Variants in MYO15A observed in about 807,000 individuals in gnomAD.
MYO15A encodes the protein unconventional myosin-XV.
In MYO15A, 308 loss-of-function variants were observed where a neutral mutation model predicts 394.6. The ratio of observed to expected loss-of-function variants is 0.78; its 90% CI spans 0.71 to 0.86. The LOEUF (loss-of-function observed/expected upper bound fraction) is 0.86, where lower values mean the gene tolerates loss of function less well. Among genes scored for constraint, MYO15A ranks in the 40% least tolerant of loss-of-function variants. The pLI is 0.00. For synonymous variants in MYO15A, 1,957 were observed against 2,003.8 expected (o/e 0.98, Z 0.62); for missense variants, 4,606 against 4,799.1 (o/e 0.96, Z 1.19).
chr17:18,119,156 G>T lies in MYO15A; in HGVS notation c.356G>T (p.Arg119Leu). Residue 119 changes from arginine to leucine, a missense_variant, in exon 2 of 66, where the codon CGC becomes CTC. Around this residue, in one of 2 missense-constraint regions of MYO15A, gnomAD observed 1,830 missense variants for 1,689.7 expected, o/e 1.08. Coordinates refer to ENST00000647165, the MANE Select transcript of MYO15A (RefSeq NM_016239.4). ...TTCCCAGGCCGCCGTGGCTACGGCC[G>T]CCTGCGGCCGCGCGCCCGGTCACTC... is the stretch of plus-strand genomic sequence containing the variant. Reference protein sequence around the residue: ...IRFPGRRGYGRLRPRARSLSK... With the variant: ...IRFPGRRGYGLLRPRARSLSK... 6.2e-7 allele frequency: 1 copy of T among 1,611,474 alleles called. No homozygotes were observed. Among genetic ancestry groups the T allele is most frequent in the South Asian group, 1.1e-5 (1 of 91,048 alleles).
In MYO15A at chr17:18,148,462, C is replaced by T. The variant is rs1156863174; in HGVS notation, c.6692-34C>T. ...GGCACAGCCAAACTGGACTCAGATGCTCCAACCTGAGCCCGGCACCTGCTG... is the reference window on the plus strand; with the variant it reads ...GGCACAGCCAAACTGGACTCAGATGTTCCAACCTGAGCCCGGCACCTGCTG... On this transcript the variant is annotated intron_variant, in intron 31 of 65. Coordinates refer to ENST00000647165, the MANE Select transcript of MYO15A (RefSeq NM_016239.4). The surrounding 1 kb of genome is among the most constrained non-coding windows in gnomAD (Gnocchi z 4.8). 1 of 1,550,860 alleles carries T rather than the reference C, an allele frequency of 6.4e-7. No homozygotes were observed.
At chr17:18,115,980 C>A (rs953260337) in intron 1 of MYO15A, among the ~76,000 whole-genome samples, 3 of 152,238 alleles carry the variant, frequency 2.0e-5, no homozygotes, top group African/African-American at 7.2e-5. Flanking sequence ...TTTCTCTCCA[C>A]CCACATATGG....
At chr17:18,168,949 TAA>T (rs1035976861) in intron 62 of MYO15A, among the ~76,000 whole-genome samples, 4 of 135,522 alleles carry the variant, frequency 3.0e-5, no homozygotes, top group Admixed American at 1.5e-4. Flanking sequence ...TAAAAAAATT[TAA>T]AAAAAAAAAA....
At chr17:18,114,413 A>G (rs1300189563) in intron 1 of MYO15A, among the ~76,000 whole-genome samples, 1 of 151,822 alleles carries the variant, frequency 6.6e-6, no homozygotes, top group Non-Finnish European at 1.5e-5. Context: ...CACCACGCCC[A>G]GCTAATTTTT....
rs2046521710 is a variant in MYO15A at position 18,148,569 on chromosome 17, G to A, written c.6764+1G>A. 2 of 1,551,530 alleles carry A rather than the reference G, an allele frequency of 1.3e-6. No individual in the cohort carries two copies. Among genetic ancestry groups the A allele is most frequent in the Admixed American group, 2.0e-5 (1 of 51,016 alleles). On this transcript the variant is annotated splice_donor_variant, in intron 32 of 65. Coordinates refer to ENST00000647165, the MANE Select transcript of MYO15A (RefSeq NM_016239.4). LOFTEE classifies it high-confidence loss of function. The surrounding 1 kb of genome is among the most constrained non-coding windows in gnomAD (Gnocchi z 4.8). ...TGGCTGGAGACATTCTGAGGCACAG[G>A]TTGGCTCCTAGGATGCCCTCCCAGC...
At chr17:18,154,900 G>A (rs762594804) in intron 45 of MYO15A, 145 bp downstream of exon 45, 308 of 1,038,244 alleles carry the variant, frequency 3.0e-4, no homozygotes, top group Non-Finnish European at 4.1e-4. Flanking sequence ...CTGGCCTCTC[G>A]CATGGCCGGG....
At chr17:18,142,503 A>G (rs1178304816) in intron 24 of MYO15A, among the ~76,000 whole-genome samples, 1 of 152,182 alleles carries the variant, frequency 6.6e-6, no homozygotes, top group Non-Finnish European at 1.5e-5. Flanking sequence ...CATTTCAGGG[A>G]CCTGAGATTA....
Position 18,140,682 on chromosome 17 carries a change from G to A in MYO15A, c.5360+17G>A, listed in dbSNP as rs1333575997. The A allele has an allele frequency of 1.9e-6, 3 of 1,613,830 alleles. No homozygotes were observed. The highest frequency in any genetic ancestry group is 1.3e-5 in the African/African-American group (1 of 74,942). ...GATGGAGAGGTGGGGTGGGGGGCAG[G>A]TGGGCGGAGCACCCAGCCTCATCCT... On this transcript the variant is annotated intron_variant, in intron 20 of 65. Coordinates refer to ENST00000647165, the MANE Select transcript of MYO15A (RefSeq NM_016239.4).
chr17:18,159,920 C>T lies in MYO15A; in HGVS notation c.9304-15C>T, dbSNP rs753539094. On this transcript the variant is annotated splice_polypyrimidine_tract_variant and intron_variant, in intron 55 of 65. Transcript: ENST00000647165. ...TCACATGTCTTTGGTGTGTAACCTC[C>T]CTGCCCCCCTTCAGCTGTGCGGGGA... 7.4e-6 allele frequency: 12 copies of T among 1,613,598 alleles called. No individual in the cohort carries two copies. The highest frequency in any genetic ancestry group is 4.0e-5 in the African/African-American group (3 of 74,894).
chr17:18,133,129 T>C, intron 11 of MYO15A, 96 bp from the exon 12 acceptor site: 2 of 1,323,756 alleles, frequency 1.5e-6, no homozygotes, highest in Non-Finnish European at 1.1e-6. Flanking sequence ...AGTGACCAAC[T>C]CAGGCCACCA....
chr17:18,145,736 G>A (rs1415942457), intron 29 of MYO15A, 136 bp from the exon 30 acceptor site: 3 of 744,096 alleles, frequency 4.0e-6, no homozygotes, highest in Non-Finnish European at 4.7e-6. Flanking sequence ...ATATATAGCA[G>A]TTATATTGTA....
intron 7 of MYO15A, 76 bp downstream of exon 7, chr17:18,127,241 C>G: frequency 6.5e-7 from 1 of 1,538,964 alleles, no homozygotes. Context: ...CCCGAAGAGG[C>G]AAGGCTCCTT....
At chr17:18,125,038 G>T in intron 3 of MYO15A, 130 bp from the exon 4 acceptor site, 3 of 864,496 alleles carry the variant, frequency 3.5e-6, no homozygotes, top group Non-Finnish European at 4.0e-6. Flanking sequence ...AGGTCTCCTA[G>T]CTGGTTGGTG....
At chr17:18,112,468 T>C (rs1438299260) in intron 1 of MYO15A, among the ~76,000 whole-genome samples, 2 of 152,160 alleles carry the variant, frequency 1.3e-5, no homozygotes, top group Admixed American at 1.3e-4. Context: ...CAATCTTGGC[T>C]CACTGCAACC....
intron 1 of MYO15A, among the ~76,000 whole-genome samples, chr17:18,118,183 C>G (rs1207986495): frequency 6.6e-6 from 1 of 152,198 alleles, no homozygotes; most frequent in Non-Finnish European, 1.5e-5. Flanking sequence ...AGCCAGCCAG[C>G]TCCTGTTACA....
Position 18,122,106 on chromosome 17 carries a change from G to C in MYO15A, c.3306G>C (p.Lys1102Asn). ...TCAGGGCCCCAGAGCCCCTGCCCAA[G>C]GGGGGTGAACGGCGCCAGGCAGCCC... ...APIRAPEPLP[K>N]GGERRQAAPG... Residue 1102 changes from lysine to asparagine, a missense_variant, in exon 2 of 66, where the codon AAG becomes AAC. Around this residue, in one of 2 missense-constraint regions of MYO15A, gnomAD observed 1,830 missense variants for 1,689.7 expected, o/e 1.08. Coordinates refer to ENST00000647165, the MANE Select transcript of MYO15A (RefSeq NM_016239.4). 1 of 1,612,846 alleles carries C rather than the reference G, an allele frequency of 6.2e-7. No homozygotes were observed.
At chr17:18,161,021 C>T (rs2046766603) in intron 56 of MYO15A, 1 of 533,596 alleles carries the variant, frequency 1.9e-6, no homozygotes, top group Non-Finnish European at 3.5e-6. Flanking sequence ...AGAAGCCTCC[C>T]TAGAGAGATC....
In MYO15A at chr17:18,120,100, G is replaced by A. The variant is rs1020298518; in HGVS notation, c.1300G>A (p.Glu434Lys). ...PYAHAMDDIAELEEPEDAGVE... is the reference protein window; with the variant it reads ...PYAHAMDDIAKLEEPEDAGVE... ...TGCCCACGCCATGGATGACATCGCC[G>A]AGCTGGAGGAACCAGAGGACGCGGG... The change falls in exon 2 of 66, where the codon GAG (glutamate) becomes AAG (lysine). Residue 434 changes from glutamate to lysine, a missense_variant. Coordinates refer to ENST00000647165, the MANE Select transcript of MYO15A (RefSeq NM_016239.4). 1.2e-6 allele frequency: 2 copies of A among 1,612,344 alleles called. No individual in the cohort carries two copies. The highest frequency in any genetic ancestry group is 2.7e-5 in the African/African-American group (2 of 74,904).
intron 4 of MYO15A, among the ~76,000 whole-genome samples, chr17:18,125,958 C>T (rs1246913323): frequency 1.3e-5 from 2 of 152,186 alleles, no homozygotes; most frequent in African/African-American, 4.8e-5. Context: ...CAAGGACACC[C>T]AGAAGGGCTC....
Sources: gnomAD v4.1 joint callset for allele counts (sites outside exome capture counted in the v4.1 genomes callset) on GRCh38, gnomAD v4.1.1 for gene constraint, gnomAD v4.1.1 regional missense constraint, Gnocchi (gnomAD v3.1) non-coding constraint, MANE v1.5 for transcripts, NCBI Gene and HGNC (gene_info 2026-07-23, HGNC 2026-07-21) for gene names.